Variants in ANXA6 observed in about 807,000 individuals in gnomAD.
ANXA6 encodes annexin A6.
ANXA6 carries 71 observed loss-of-function variants against 95.4 expected under a neutral mutation model. The ratio of observed to expected loss-of-function variants is 0.74; its 90% CI spans 0.61 to 0.91. ANXA6 has a LOEUF of 0.91. Ranked by LOEUF, ANXA6 falls within the 40% of genes least tolerant of loss-of-function variation. ANXA6 has a pLI of 0.00. For synonymous variants in ANXA6, 289 were observed against 315.9 expected, an observed-to-expected ratio of 0.91 and a Z score of 0.90; for missense variants, 830 against 876.4, an observed-to-expected ratio of 0.95 and a Z score of 0.67.
intron 10 of ANXA6, 68 bp from the exon 11 acceptor site, chr5:151,131,357 C>A: frequency 6.6e-7 from 1 of 1,520,960 alleles, no homozygotes; most frequent in Middle Eastern, 1.7e-4. Flanking sequence ...TGGCCTGACT[C>A]CCTCTTTGTT....
At chr5:151,135,825 AC>A (rs1765642199) in intron 7 of ANXA6, among the ~76,000 whole-genome samples, 1 of 152,218 alleles carries the variant, frequency 6.6e-6, no homozygotes, top group Non-Finnish European at 1.5e-5. Context: ...GGGAAAACAA[AC>A]AAAAAATCCA....
rs1764578100 is a variant in ANXA6, at chr5:151,102,559, C to G, written c.1962+1011G>C. Among the ~76,000 whole-genome samples the G allele has an allele frequency of 3.9e-5, 6 of 152,082 alleles. No individual in the cohort carries two copies. In the South Asian group the frequency reaches 1.2e-3, roughly 31 times the overall value. On this transcript the variant is annotated intron_variant, in intron 25 of 25. Coordinates refer to ENST00000354546, the MANE Select transcript of ANXA6 (RefSeq NM_001155.5). ...TCTGTACTAAAAATACAAAAATTAG[C>G]CAGGCATAGTGATGCATGCCTGCAG...
At chr5:151,141,339 C>A (rs1159615902) in intron 2 of ANXA6, among the ~76,000 whole-genome samples, 1 of 152,212 alleles carries the variant, frequency 6.6e-6, no homozygotes, top group East Asian at 1.9e-4. Flanking sequence ...AAAGGGGACC[C>A]AATTCCTGTC....
Position 151,101,096 on chromosome 5 carries a change from C to T in ANXA6, c.*352G>A. Reference sequence around the variant, plus strand: ...CCAACCCCCTCATTCAAAGTACAGACACTACTCATTTTACAGACAGAGGTT... The same window carrying T: ...CCAACCCCCTCATTCAAAGTACAGATACTACTCATTTTACAGACAGAGGTT... On this transcript the variant is annotated 3_prime_UTR_variant, in exon 26 of 26. Transcript: ENST00000354546. The T allele has an allele frequency of 4.0e-6, 2 of 495,968 alleles. No homozygotes were observed. The highest frequency in any genetic ancestry group is 1.0e-4 in the East Asian group (2 of 19,436). The allele number at this position is 495,968 out of a possible 1,614,324, so 30.7% of individuals were successfully genotyped here.
intron 12 of ANXA6, among the ~76,000 whole-genome samples, chr5:151,128,728 G>A (rs1581999438): frequency 6.6e-6 from 1 of 152,204 alleles, no homozygotes; most frequent in Admixed American, 6.5e-5. Flanking sequence ...CCCTCTTGGG[G>A]CTTCATAATG....
chr5:151,130,785 T>C (rs1275373822), intron 11 of ANXA6, among the ~76,000 whole-genome samples: 1 of 152,180 alleles, frequency 6.6e-6, no homozygotes, highest in Non-Finnish European at 1.5e-5. Context: ...ATCACAAAAA[T>C]ACCAGTTTCT....
At chr5:151,152,123 T>C (rs567627497) in intron 1 of ANXA6, among the ~76,000 whole-genome samples, 1 of 152,338 alleles carries the variant, frequency 6.6e-6, no homozygotes, top group Non-Finnish European at 1.5e-5. Flanking sequence ...TGTGAAGGCA[T>C]GGGCCTTCAG....
rs1561565818 is a variant in ANXA6, at chr5:151,109,733, G to C, written c.1684+20C>G. 6.3e-7 allele frequency: 1 copy of C among 1,577,922 alleles called. No homozygotes were observed. The highest frequency in any genetic ancestry group is 1.7e-5 in the Admixed American group (1 of 58,122). Reference sequence around the variant, plus strand: ...TGGGATCTTCCTGCTGAGCTGGGAAGGGAGGAGGTCAGGCCTCACCTCTCC... The same window carrying C: ...TGGGATCTTCCTGCTGAGCTGGGAACGGAGGAGGTCAGGCCTCACCTCTCC... On this transcript the variant is annotated intron_variant, in intron 22 of 25. Transcript: ENST00000354546.
intron 2 of ANXA6, 131 bp from the exon 3 acceptor site, chr5:151,140,374 C>T: frequency 2.6e-6 from 2 of 756,708 alleles, no homozygotes; most frequent in South Asian, 3.3e-5. Flanking sequence ...GTGCTGGCCA[C>T]ATACACCCTG....
intron 2 of ANXA6, among the ~76,000 whole-genome samples, chr5:151,146,473 G>A (rs1196357386): frequency 6.6e-6 from 1 of 152,188 alleles, no homozygotes; most frequent in Non-Finnish European, 1.5e-5. Context: ...GTGCTCTTCA[G>A]AAACTGTGAA....
chr5:151,101,321 C>A lies in ANXA6; in HGVS notation c.*127G>T. On this transcript the variant is annotated 3_prime_UTR_variant, in exon 26 of 26. Coordinates refer to ENST00000354546, the MANE Select transcript of ANXA6 (RefSeq NM_001155.5). ...TCCTAAGCTCCACTGAAGATAAGAG[C>A]CCAACCCAACCCCTCCCCCCACCCC... 2.0e-6 allele frequency: 1 copy of A among 494,530 alleles called. No individual in the cohort carries two copies. 30.6% of individuals were successfully genotyped at this position (494,530 alleles called of 1,614,324 possible).
chr5:151,138,588 A>G, intron 5 of ANXA6, 90 bp downstream of exon 5: 3 of 853,886 alleles, frequency 3.5e-6, no homozygotes, highest in Non-Finnish European at 5.9e-6. Flanking sequence ...CTGGGTGGGT[A>G]TGGGGCTCAC....
At chr5:151,147,544 A>G (rs574435001) in intron 2 of ANXA6, among the ~76,000 whole-genome samples, 1 of 152,234 alleles carries the variant, frequency 6.6e-6, no homozygotes. Context: ...AACCTACCCA[A>G]GAATGAAGCC....
At chr5:151,107,649 C>T (rs1764733336) in intron 23 of ANXA6, among the ~76,000 whole-genome samples, 1 of 152,142 alleles carries the variant, frequency 6.6e-6, no homozygotes, top group Admixed American at 6.5e-5. Context: ...TGCATTGATG[C>T]AATGTGTTTT....
In ANXA6 at chr5:151,101,290, A is replaced by G; in HGVS notation, c.*158T>C. On this transcript the variant is annotated 3_prime_UTR_variant, in exon 26 of 26. Transcript: ENST00000354546. ...GCCCTCGATGGCCCGTGGGAGTGGG[A>G]GCGTTTCCTAAGCTCCACTGAAGAT... 1 of 685,480 alleles carries G rather than the reference A, an allele frequency of 1.5e-6. No homozygotes were observed. The highest frequency in any genetic ancestry group is 2.6e-6 in the Non-Finnish European group (1 of 385,682). 42.5% of individuals were successfully genotyped at this position (685,480 alleles called of 1,614,324 possible).
chr5:151,145,666 C>G (rs1269728192), intron 2 of ANXA6, among the ~76,000 whole-genome samples: 1 of 152,098 alleles, frequency 6.6e-6, no homozygotes, highest in Non-Finnish European at 1.5e-5. Context: ...TTGGAGGACA[C>G]CAGATTCAAG....
chr5:151,153,329 T>C (rs1766153370), intron 1 of ANXA6, among the ~76,000 whole-genome samples: 1 of 152,240 alleles, frequency 6.6e-6, no homozygotes, highest in African/African-American at 2.4e-5. Context: ...AGATTCTGAC[T>C]CAACTGCTGG....
intron 4 of ANXA6, 44 bp from the exon 5 acceptor site, chr5:151,138,835 G>GA: frequency 7.4e-7 from 1 of 1,355,806 alleles, no homozygotes. Flanking sequence ...GAAAGAGGAA[G>GA]AGTAGTTACA....
At chr5:151,133,244 A>G in intron 8 of ANXA6, 57 bp from the exon 9 acceptor site, 1 of 1,285,684 alleles carries the variant, frequency 7.8e-7, no homozygotes, top group East Asian at 2.5e-5. Context: ...GACAGGACAC[A>G]CTGACCAAGC....
Sources: allele counts gnomAD v4.1 joint callset (sites outside exome capture counted in the v4.1 genomes callset), GRCh38; gene constraint gnomAD v4.1.1; transcripts MANE v1.5; gene names NCBI Gene and HGNC (gene_info 2026-07-23, HGNC 2026-07-21).